Variants in GRIA1 observed in about 807,000 individuals in gnomAD.
The protein encoded by GRIA1 is glutamate ionotropic receptor AMPA type subunit 1, also known as glutamate receptor 1.
Under a neutral mutation model 99.2 loss-of-function variants are expected in GRIA1, and 31 were observed. That is an observed-to-expected ratio of 0.31 (90% CI 0.23 to 0.42). The LOEUF (loss-of-function observed/expected upper bound fraction) is 0.42, where lower values mean the gene tolerates loss of function less well. GRIA1 is among the 10% of genes least tolerant of loss of function. The pLI is 1.00. For missense variants in GRIA1, 782 were observed against 1,157.5 expected (o/e 0.68, Z 4.71); for synonymous variants, 438 against 432.4 (o/e 1.01, Z -0.16).
At chr5:153,508,261 T>C (rs1407983525) in intron 2 of GRIA1, among the ~76,000 whole-genome samples, 10 of 152,216 alleles carry the variant, frequency 6.6e-5, no homozygotes, top group Non-Finnish European at 1.5e-4. Context: ...ATTCTATATC[T>C]GTGCTGTCTA....
intron 13 of GRIA1, among the ~76,000 whole-genome samples, chr5:153,780,786 A>T (rs565900881): frequency 1.6e-3 from 243 of 152,262 alleles, no homozygotes; most frequent in African/African-American, 5.6e-3. Context: ...TCGGCCCTCC[A>T]CACTCACCAT....
chr5:153,548,166 T>C (rs1050289799), intron 2 of GRIA1, among the ~76,000 whole-genome samples: 4 of 152,088 alleles, frequency 2.6e-5, no homozygotes, highest in Non-Finnish European at 5.9e-5. Flanking sequence ...TTCCTTTGCT[T>C]TTAAGGTGCT....
At chr5:153,509,814 C>A (rs921066886) in intron 2 of GRIA1, among the ~76,000 whole-genome samples, 1 of 152,100 alleles carries the variant, frequency 6.6e-6, no homozygotes, top group African/African-American at 2.4e-5. Context: ...AGAGTAAGTA[C>A]CCGATAAATG....
At chr5:153,630,055 ATCAGT>A (rs1314612614) in intron 2 of GRIA1, among the ~76,000 whole-genome samples, 1 of 152,042 alleles carries the variant, frequency 6.6e-6, no homozygotes, top group Non-Finnish European at 1.5e-5. Context: ...CTCCACTATT[ATCAGT>A]TCTGTGACCC....
chr5:153,580,912 C>T (rs1198272400), intron 2 of GRIA1, among the ~76,000 whole-genome samples: 2 of 152,184 alleles, frequency 1.3e-5, no homozygotes, highest in African/African-American at 4.8e-5. Context: ...CACGTGTCAA[C>T]ATTCTAATAG....
At position 153,522,128 on chromosome 5, in the gene GRIA1, A is replaced by G. The variant is rs374844705; in HGVS notation, c.220+28063A>G. ...TGGATAAGTGTAAGACTCTGGAATTAAACTGCCTTAGGTTTGAATCCTGAA... is the reference window on the plus strand; with the variant it reads ...TGGATAAGTGTAAGACTCTGGAATTGAACTGCCTTAGGTTTGAATCCTGAA... On this transcript the variant is annotated intron_variant, in intron 2 of 15. Transcript: ENST00000285900. 5.9e-5 allele frequency among the ~76,000 whole-genome samples: 9 copies of G among 152,326 alleles called. No individual in the cohort carries two copies. In the East Asian group the frequency reaches 1.5e-3, roughly 26 times the overall value.
intron 2 of GRIA1, among the ~76,000 whole-genome samples, chr5:153,642,173 A>G (rs1201967896): frequency 6.6e-6 from 1 of 152,158 alleles, no homozygotes; most frequent in Non-Finnish European, 1.5e-5. Context: ...ACATGAGAGG[A>G]TTTTCCAGAA....
chr5:153,537,447 C>T (rs942484525), intron 2 of GRIA1, among the ~76,000 whole-genome samples: 1 of 152,188 alleles, frequency 6.6e-6, no homozygotes, highest in Non-Finnish European at 1.5e-5. Context: ...CTCTCCCCAC[C>T]TCCGCAGCCT....
chr5:153,750,942 CA>C (rs1283844081), intron 11 of GRIA1, among the ~76,000 whole-genome samples: 2 of 151,638 alleles, frequency 1.3e-5, no homozygotes, highest in Non-Finnish European at 1.5e-5. Context: ...ACTAAAAGTA[CA>C]AAAAAAATTA....
At chr5:153,625,153 G>A (rs775143269) in intron 2 of GRIA1, among the ~76,000 whole-genome samples, 10 of 152,062 alleles carry the variant, frequency 6.6e-5, no homozygotes, top group Admixed American at 2.0e-4. Context: ...GTGTGCTCTC[G>A]TGTGTCCCAT....
chr5:153,497,166 T>C (rs900479298), intron 2 of GRIA1, among the ~76,000 whole-genome samples: 5 of 152,190 alleles, frequency 3.3e-5, no homozygotes, highest in African/African-American at 1.2e-4. Context: ...CTGCCATTGT[T>C]AAAGAGTAAA....
intron 2 of GRIA1, among the ~76,000 whole-genome samples, chr5:153,555,334 G>A (rs1292533339): frequency 2.0e-5 from 3 of 151,284 alleles, no homozygotes. Context: ...CATACAGGGA[G>A]CAAATTCCAT....
intron 11 of GRIA1, among the ~76,000 whole-genome samples, chr5:153,748,952 C>T (rs1240676219): frequency 6.6e-6 from 1 of 152,116 alleles, no homozygotes; most frequent in Non-Finnish European, 1.5e-5. Flanking sequence ...TTTTCAGCCT[C>T]TGTGTATACA....
At position 153,740,966 on chromosome 5, in the gene GRIA1, C is replaced by CTTT. The variant is rs10601141; in HGVS notation, c.1824-23445_1824-23443dup. Reference sequence around the variant, plus strand: ...CTTGGCAGGGATGTGAAGAAATTGGCTTTTTTTTTTTTTTTTTTTTTTTTT... The same window carrying CTTT: ...CTTGGCAGGGATGTGAAGAAATTGGCTTTTTTTTTTTTTTTTTTTTTTTTTTTT... On this transcript the variant is annotated intron_variant, in intron 11 of 15. Transcript: ENST00000285900. Among the ~76,000 whole-genome samples, 717 of 76,818 alleles carry CTTT rather than the reference C, an allele frequency of 9.3e-3. 17 individuals are homozygous for CTTT. Among genetic ancestry groups the CTTT allele is most frequent in the South Asian group, 0.013 (18 of 1,376 alleles). 50.4% of individuals were successfully genotyped at this position (76,818 alleles called of 152,430 possible).
chr5:153,760,191 C>G (rs1287261955), intron 11 of GRIA1, among the ~76,000 whole-genome samples: 1 of 151,958 alleles, frequency 6.6e-6, no homozygotes, highest in Non-Finnish European at 1.5e-5. Flanking sequence ...GAAGTCCTAG[C>G]CTGAGCAATC....
rs147065858 is a variant in GRIA1 at position 153,501,385 on chromosome 5, G to C, written c.220+7320G>C. On this transcript the variant is annotated intron_variant, in intron 2 of 15. Transcript: ENST00000285900. ...AAAGCATATACAAAGGAACCAGCTC[G>C]TGCAGGAGGATGAATAGGTGCTTGA... is the stretch of plus-strand genomic sequence containing the variant. 6.0e-3 allele frequency among the ~76,000 whole-genome samples: 915 copies of C among 152,252 alleles called. 11 individuals carry two copies. Among genetic ancestry groups the C allele is most frequent in the African/African-American group, 0.021 (874 of 41,550 alleles).
intron 5 of GRIA1, among the ~76,000 whole-genome samples, chr5:153,674,094 T>C (rs1351210114): frequency 6.6e-6 from 1 of 152,268 alleles, no homozygotes; most frequent in Non-Finnish European, 1.5e-5. Context: ...TTCTACCTTG[T>C]ACTATATATC....
intron 2 of GRIA1, among the ~76,000 whole-genome samples, chr5:153,582,992 T>G (rs1005102358): frequency 3.9e-5 from 6 of 152,008 alleles, no homozygotes; most frequent in African/African-American, 1.5e-4. Context: ...GAGACGGGGT[T>G]TCATCATGTT....
intron 2 of GRIA1, among the ~76,000 whole-genome samples, chr5:153,632,953 G>A (rs892057368): frequency 1.4e-4 from 22 of 152,206 alleles, no homozygotes; most frequent in Admixed American, 1.4e-3. Flanking sequence ...CTGGGGTCTT[G>A]AAGGATGTGT....
Sources: gnomAD v4.1 joint callset for allele counts (sites outside exome capture counted in the v4.1 genomes callset) on GRCh38, gnomAD v4.1.1 for gene constraint, MANE v1.5 for transcripts, NCBI Gene and HGNC (gene_info 2026-07-23, HGNC 2026-07-21) for gene names.